The following COBL variants were observed in gnomAD, a reference collection of about 807,000 sequenced individuals.
The protein encoded by COBL is cordon-bleu WH2 repeat protein, also known as protein cordon-bleu.
Under a neutral mutation model 98.8 loss-of-function variants are expected in COBL, and 51 were observed. That is an observed-to-expected ratio of 0.52 (90% confidence interval 0.41 to 0.65). COBL has a LOEUF of 0.65. Among genes scored for constraint, COBL ranks in the 30% least tolerant of loss-of-function variants. The probability of loss-of-function intolerance (pLI) is 0.00; values close to 1 mark genes in which losing one functional copy is unlikely to be tolerated. For missense variants in COBL, 1,617 were observed against 1,617.5 expected, an observed-to-expected ratio of 1.00 and a Z score of 0.01; for synonymous variants, 634 against 651.7, an observed-to-expected ratio of 0.97 and a Z score of 0.41.
At chr7:51,066,247 C>T (rs1485016966) in intron 7 of COBL, among the ~76,000 whole-genome samples, 2 of 152,144 alleles carry the variant, frequency 1.3e-5, no homozygotes, top group African/African-American at 2.4e-5. Flanking sequence ...TATTTTTGTG[C>T]AGCCCCATAC....
Position 51,136,281 on chromosome 7 carries a change from C to T in COBL, c.834G>A (p.Thr278=), listed in dbSNP as rs758841166. 1.1e-5 allele frequency: 17 copies of T among 1,613,886 alleles called. No homozygotes were observed. The highest frequency in any genetic ancestry group is 6.7e-5 in the East Asian group (3 of 44,894). The change falls in exon 6 of 13, where the codon ACG becomes ACA. Residue 278 remains threonine (T), a synonymous_variant. Transcript: ENST00000265136. ...NSPSMHSRSL[T]LGPSLSLGSI... The stretch of plus-strand genomic sequence containing the variant: ...TGCCCAGCGAGAGGGATGGACCCAG[C>T]GTAAGAGAACGTGAGTGCATGGATG...
At chr7:51,167,258 T>C (rs1016331533) in intron 5 of COBL, among the ~76,000 whole-genome samples, 4 of 152,142 alleles carry the variant, frequency 2.6e-5, no homozygotes, top group Admixed American at 2.0e-4. Flanking sequence ...TGTTGCAGGA[T>C]ACAAAATCAA....
chr7:51,212,291 T>C (rs1217998467), intron 2 of COBL, among the ~76,000 whole-genome samples: 1 of 152,178 alleles, frequency 6.6e-6, no homozygotes, highest in Non-Finnish European at 1.5e-5. Context: ...GTGGTTCTTT[T>C]TGAAATCTTA....
At chr7:51,243,935 G>A (rs1158259091) in intron 1 of COBL, among the ~76,000 whole-genome samples, 3 of 152,138 alleles carry the variant, frequency 2.0e-5, no homozygotes, top group African/African-American at 4.8e-5. Flanking sequence ...GGGAAACTGG[G>A]GAGGGTACCA....
chr7:51,129,383 T>G (rs1798526392), intron 6 of COBL, among the ~76,000 whole-genome samples: 1 of 151,882 alleles, frequency 6.6e-6, no homozygotes, highest in South Asian at 2.1e-4. Flanking sequence ...GGTTCAACCC[T>G]CATGACCTCA....
At chr7:51,039,945 C>T (rs1200254799) in intron 8 of COBL, among the ~76,000 whole-genome samples, 1 of 152,218 alleles carries the variant, frequency 6.6e-6, no homozygotes, top group East Asian at 1.9e-4. Flanking sequence ...AGCAGGGCTG[C>T]TCTCTTTAGA....
At chr7:51,148,175 T>C (rs1785219911) in intron 5 of COBL, among the ~76,000 whole-genome samples, 2 of 152,144 alleles carry the variant, frequency 1.3e-5, no homozygotes. Context: ...GAGGAGAGTC[T>C]CTTTGAAGAG....
chr7:51,166,267 G>A (rs962160372), intron 5 of COBL, among the ~76,000 whole-genome samples: 3 of 151,844 alleles, frequency 2.0e-5, no homozygotes, highest in African/African-American at 7.2e-5. Flanking sequence ...AATGAAAAGG[G>A]AGACATTACA....
At chr7:51,273,458 T>C (rs1356333743) in intron 1 of COBL, among the ~76,000 whole-genome samples, 1 of 152,116 alleles carries the variant, frequency 6.6e-6, no homozygotes, top group Admixed American at 6.5e-5. Flanking sequence ...GCTACCACTA[T>C]CTAAAATTCC....
intron 1 of COBL, among the ~76,000 whole-genome samples, chr7:51,314,026 C>A (rs1803305891): frequency 1.3e-5 from 2 of 152,190 alleles, no homozygotes; most frequent in Admixed American, 1.3e-4. Flanking sequence ...TAGTAAAAAA[C>A]ATACAATTTC....
intron 6 of COBL, among the ~76,000 whole-genome samples, chr7:51,125,024 G>A (rs975248652): frequency 3.3e-5 from 5 of 152,050 alleles, no homozygotes; most frequent in African/African-American, 1.2e-4. Context: ...ATTTGGCCAG[G>A]CTGGTCTTGA....
rs200785277 is a variant in COBL at position 51,107,100 on chromosome 7, T to TG, written c.958-21797_958-21796insC. Among the ~76,000 whole-genome samples, 420 of 146,048 alleles carry TG rather than the reference T, an allele frequency of 2.9e-3. 6 individuals are homozygous for TG. The highest frequency in any genetic ancestry group is 7.8e-3 in the African/African-American group (308 of 39,576). ...GTGATCCTAGTTTGTTTGTTTTTTT[T>TG]TTTTTTTTTTTTGAGACAGAATCTC... On this transcript the variant is annotated intron_variant, in intron 6 of 12. Coordinates refer to ENST00000265136, the MANE Select transcript of COBL (RefSeq NM_015198.5).
chr7:51,147,797 C>A (rs1481291704), intron 5 of COBL, among the ~76,000 whole-genome samples: 1 of 151,140 alleles, frequency 6.6e-6, no homozygotes, highest in Non-Finnish European at 1.5e-5. Flanking sequence ...GTCATCCAGG[C>A]TGGAGTGCAG....
chr7:51,253,342 G>A (rs1029824754), intron 1 of COBL, among the ~76,000 whole-genome samples: 9 of 151,954 alleles, frequency 5.9e-5, no homozygotes, highest in East Asian at 1.9e-4. Context: ...CTATTAATAC[G>A]ATTACTCTTG....
Position 51,018,908 on chromosome 7 carries a change from AT to A in COBL, c.3769-1341del, listed in dbSNP as rs1562796018. On this transcript the variant is annotated intron_variant, in intron 12 of 12. Transcript: ENST00000265136. ...CTCCATCTCAAAAAAAAAAAAAAATATATATATATATATATATATATATATA... is the reference window on the plus strand; with the variant it reads ...CTCCATCTCAAAAAAAAAAAAAAATAATATATATATATATATATATATATA... Among the ~76,000 whole-genome samples the A allele has an allele frequency of 2.3e-3, 69 of 30,236 alleles. 4 individuals carry two copies. The highest frequency in any genetic ancestry group is 4.7e-3 in the South Asian group (4 of 854). The allele number at this position is 30,236 out of a possible 152,430, so 19.8% of individuals were successfully genotyped here. A position where few individuals can be genotyped will look rare whatever the true frequency, so the allele number is the denominator to read the frequency against.
chr7:51,266,992 T>C (rs966547116), intron 1 of COBL, among the ~76,000 whole-genome samples: 2 of 152,148 alleles, frequency 1.3e-5, no homozygotes, highest in African/African-American at 2.4e-5. Flanking sequence ...CATTGTATCA[T>C]GGTCAGGATT....
chr7:51,171,238 A>G (rs1179135978), intron 5 of COBL, among the ~76,000 whole-genome samples: 2 of 152,260 alleles, frequency 1.3e-5, no homozygotes, highest in East Asian at 3.9e-4. Flanking sequence ...ATCACTTTGC[A>G]AGTCGGATGG....
At chr7:51,094,126 A>G (rs1795069936) in intron 6 of COBL, among the ~76,000 whole-genome samples, 1 of 152,076 alleles carries the variant, frequency 6.6e-6, no homozygotes, top group Admixed American at 6.6e-5. Context: ...ATAAGACAGC[A>G]CAAAGAGACA....
At chr7:51,131,607 T>C (rs200493682) in intron 6 of COBL, among the ~76,000 whole-genome samples, 13 of 151,964 alleles carry the variant, frequency 8.6e-5, no homozygotes, top group South Asian at 8.3e-4. Flanking sequence ...TTTTTTTTTT[T>C]TTCTGAAATG....
Sources: gnomAD v4.1 joint callset for allele counts (sites outside exome capture counted in the v4.1 genomes callset) on GRCh38, gnomAD v4.1.1 for gene constraint, MANE v1.5 for transcripts, NCBI Gene and HGNC (gene_info 2026-07-23, HGNC 2026-07-21) for gene names.